The following COL8A1 variants were observed in gnomAD, a reference collection of about 807,000 sequenced individuals.
COL8A1 encodes collagen alpha-1(VIII) chain.
A neutral mutation model predicts 42.7 loss-of-function variants in COL8A1; 21 were observed. The ratio of observed to expected loss-of-function variants is 0.49; its 90% CI spans 0.35 to 0.71. COL8A1 has a LOEUF of 0.71. Among genes scored for constraint, COL8A1 ranks in the 30% least tolerant of loss-of-function variants. The pLI, the probability that COL8A1 is intolerant of heterozygous loss-of-function variation, is 0.01. For missense variants in COL8A1, 788 were observed against 962.4 expected (o/e 0.82, Z 2.40); for synonymous variants, 367 against 369.1 (o/e 0.99, Z 0.06).
In COL8A1 at chr3:99,781,576, C is replaced by T. The variant is rs143203186; in HGVS notation, c.-3-9104C>T. Among the ~76,000 whole-genome samples, 700 of 152,254 alleles carry T rather than the reference C, an allele frequency of 4.6e-3. 6 individuals are homozygous for T. The highest frequency in any genetic ancestry group is 0.016 in the African/African-American group (667 of 41,536). ...TGTGTGCTCTAAATAAACATTTTTA[C>T]GATGTCCACTTTAATGGATTACATT... On this transcript the variant is annotated intron_variant, in intron 2 of 3. Transcript: ENST00000652472.
At position 99,796,283 on chromosome 3, in the gene COL8A1, C is replaced by A; in HGVS notation, c.*147C>A. On this transcript the variant is annotated 3_prime_UTR_variant, in exon 4 of 4. Transcript: ENST00000652472. ...AAGTGAAAATTTGGACCATTGTGTACAAATAAAAACTAAGATGCATGTTTA... is the reference window on the plus strand; with the variant it reads ...AAGTGAAAATTTGGACCATTGTGTAAAAATAAAAACTAAGATGCATGTTTA... 1 of 608,988 alleles carries A rather than the reference C, an allele frequency of 1.6e-6. No individual in the cohort carries two copies. Among genetic ancestry groups the A allele is most frequent in the Non-Finnish European group, 2.7e-6 (1 of 374,758 alleles). The allele number at this position is 608,988 out of a possible 1,614,324, so 37.7% of individuals were successfully genotyped here.
intron 1 of COL8A1, among the ~76,000 whole-genome samples, chr3:99,730,442 G>A (rs138454992): frequency 9.5e-4 from 145 of 152,174 alleles, no homozygotes; most frequent in African/African-American, 3.3e-3. Flanking sequence ...TAGATTTTGA[G>A]TCTTGTTATC....
At chr3:99,721,328 C>A (rs1344864926) in intron 1 of COL8A1, among the ~76,000 whole-genome samples, 1 of 138,640 alleles carries the variant, frequency 7.2e-6, no homozygotes, top group East Asian at 2.2e-4. Context: ...GAGAGCAGAA[C>A]ACCTGTTTTG....
At chr3:99,769,806 C>A (rs1235841430) in intron 2 of COL8A1, among the ~76,000 whole-genome samples, 1 of 152,086 alleles carries the variant, frequency 6.6e-6, no homozygotes, top group African/African-American at 2.4e-5. Flanking sequence ...GCAGTCCCAG[C>A]TACTCAAGAG....
chr3:99,669,153 A>AGG (rs1441367936), intron 1 of COL8A1, among the ~76,000 whole-genome samples: 4 of 59,614 alleles, frequency 6.7e-5, no homozygotes, highest in African/African-American at 2.2e-4. Context: ...ATATAGAGGG[A>AGG]GAGAGAGAGA....
intron 1 of COL8A1, among the ~76,000 whole-genome samples, chr3:99,681,606 C>G (rs148963232): frequency 1.3e-5 from 2 of 152,318 alleles, no homozygotes; most frequent in East Asian, 3.9e-4. Context: ...CAGCTGCTCT[C>G]TATTTCCTCA....
At chr3:99,763,431 C>T (rs1941401331) in intron 2 of COL8A1, among the ~76,000 whole-genome samples, 1 of 152,138 alleles carries the variant, frequency 6.6e-6, no homozygotes, top group Admixed American at 6.5e-5. Flanking sequence ...TCTGAATCCA[C>T]TCCTGCCTCT....
intron 3 of COL8A1, among the ~76,000 whole-genome samples, chr3:99,792,804 T>C (rs1184758976): frequency 6.6e-6 from 1 of 152,226 alleles, no homozygotes; most frequent in Non-Finnish European, 1.5e-5. Flanking sequence ...AAATTATTTG[T>C]TAAATTAATG....
intron 1 of COL8A1, among the ~76,000 whole-genome samples, chr3:99,739,689 G>C (rs1940843024): frequency 6.6e-6 from 1 of 152,180 alleles, no homozygotes; most frequent in African/African-American, 2.4e-5. Context: ...AGGGCACCAA[G>C]TCCCTAGGGT....
At chr3:99,706,793 G>T (rs1218157192) in intron 1 of COL8A1, among the ~76,000 whole-genome samples, 3 of 152,126 alleles carry the variant, frequency 2.0e-5, no homozygotes, top group Non-Finnish European at 2.9e-5. Flanking sequence ...CTTAAGAAAG[G>T]TTTATAAACT....
At chr3:99,665,673 CTT>C (rs67004417) in intron 1 of COL8A1, among the ~76,000 whole-genome samples, 2,004 of 70,104 alleles carry the variant, frequency 0.029, 20 homozygotes, top group African/African-American at 0.1. Context: ...TGAATTAATT[CTT>C]TTTTTTTTTT....
chr3:99,775,577 A>G (rs1045596970), intron 2 of COL8A1, among the ~76,000 whole-genome samples: 3 of 152,164 alleles, frequency 2.0e-5, no homozygotes, highest in African/African-American at 7.2e-5. Flanking sequence ...ATAGACACAA[A>G]TTAATCGTGC....
At chr3:99,787,032 A>C (rs1209051781) in intron 2 of COL8A1, among the ~76,000 whole-genome samples, 1 of 152,210 alleles carries the variant, frequency 6.6e-6, no homozygotes, top group Non-Finnish European at 1.5e-5. Flanking sequence ...ACAGAGACAC[A>C]CATACATACA....
chr3:99,740,434 TG>T (rs1313395356), intron 1 of COL8A1, among the ~76,000 whole-genome samples: 1 of 152,192 alleles, frequency 6.6e-6, no homozygotes, highest in Non-Finnish European at 1.5e-5. Flanking sequence ...TCAGCATGGC[TG>T]GGGAGGCCTC....
intron 2 of COL8A1, among the ~76,000 whole-genome samples, chr3:99,768,343 C>CTA (rs1189323622): frequency 5.3e-5 from 8 of 152,142 alleles, no homozygotes; most frequent in Admixed American, 4.6e-4. Flanking sequence ...ATGGTATGGG[C>CTA]TATTGCACAC....
At chr3:99,703,906 C>T (rs957278820) in intron 1 of COL8A1, among the ~76,000 whole-genome samples, 1 of 152,134 alleles carries the variant, frequency 6.6e-6, no homozygotes, top group Non-Finnish European at 1.5e-5. Context: ...ATATTTTTTA[C>T]TCACTTCTCA....
chr3:99,786,619 A>G (rs1227908122), intron 2 of COL8A1, among the ~76,000 whole-genome samples: 1 of 152,130 alleles, frequency 6.6e-6, no homozygotes, highest in Non-Finnish European at 1.5e-5. Flanking sequence ...TGCTTTTTCA[A>G]AGCACTCAAA....
At chr3:99,767,548 C>T (rs1473086131) in intron 2 of COL8A1, among the ~76,000 whole-genome samples, 1 of 152,080 alleles carries the variant, frequency 6.6e-6, no homozygotes, top group African/African-American at 2.4e-5. Context: ...AGAAAGAAAC[C>T]TCAAATACCT....
chr3:99,718,264 G>A (rs555110095), intron 1 of COL8A1, among the ~76,000 whole-genome samples: 7 of 152,140 alleles, frequency 4.6e-5, no homozygotes, highest in Non-Finnish European at 8.8e-5. Context: ...GCCCCTTGAA[G>A]ACAAGTACCA....
Sources: allele counts gnomAD v4.1 joint callset (sites outside exome capture counted in the v4.1 genomes callset), GRCh38; gene constraint gnomAD v4.1.1; transcripts MANE v1.5; gene names NCBI Gene and HGNC (gene_info 2026-07-23, HGNC 2026-07-21).